The following SAMMSON variants were observed in gnomAD, a reference collection of about 807,000 sequenced individuals.
SAMMSON encodes long intergenic non-protein coding RNA 1212.
At chr3:70,433,398 G>C (rs2874359) in intron 2 of SAMMSON, among the ~76,000 whole-genome samples, 18,191 of 152,122 alleles carry the variant, frequency 0.12, 1,357 homozygotes, top group East Asian at 0.3. Context: ...GCAATTCCCT[G>C]ATAGTATTCA....
chr3:70,049,451 T>C (rs1484322674), intron 3 of SAMMSON, among the ~76,000 whole-genome samples: 2 of 152,164 alleles, frequency 1.3e-5, no homozygotes, highest in African/African-American at 4.8e-5. Flanking sequence ...GATACAGGCT[T>C]TGGAGTTAAA....
Position 70,267,512 on chromosome 3 carries a change from C to G in SAMMSON, n.674+17842C>G, listed in dbSNP as rs574995737. Among the ~76,000 whole-genome samples the G allele has an allele frequency of 1.6e-4, 24 of 148,000 alleles. No homozygotes were observed. The Admixed American group carries it at 1.6e-3, about 10-fold the overall frequency. ...CCGCCTCCTGGGCTCACGCCCTTCT[C>G]CTGCCTCAGCTTCCCGAGTAGCTGG... On this transcript the variant is annotated intron_variant and non_coding_transcript_variant, in intron 6 of 9. Transcript: ENST00000642114.
At chr3:70,206,162 T>C (rs1281000502) in intron 4 of SAMMSON, among the ~76,000 whole-genome samples, 1 of 152,086 alleles carries the variant, frequency 6.6e-6, no homozygotes, top group Non-Finnish European at 1.5e-5. Context: ...CTTAATTTTT[T>C]ATGCTGTCTA....
At chr3:70,189,447 G>A (rs1701115399) in intron 4 of SAMMSON, among the ~76,000 whole-genome samples, 1 of 152,148 alleles carries the variant, frequency 6.6e-6, no homozygotes, top group Non-Finnish European at 1.5e-5. Flanking sequence ...TCCAGCTATT[G>A]AGAAGTCAGT....
chr3:70,262,156 A>T (rs1701873381), intron 6 of SAMMSON, among the ~76,000 whole-genome samples: 1 of 152,196 alleles, frequency 6.6e-6, no homozygotes, highest in South Asian at 2.1e-4. Flanking sequence ...GCTCGGTAAC[A>T]ATACTTTCAA....
chr3:70,327,012 C>A (rs796599800), intron 7 of SAMMSON, among the ~76,000 whole-genome samples: 1 of 152,248 alleles, frequency 6.6e-6, no homozygotes, highest in East Asian at 1.9e-4. Flanking sequence ...GCATGTGCCA[C>A]CACACCTGGC....
chr3:70,389,318 T>C (rs934715235), intron 9 of SAMMSON, among the ~76,000 whole-genome samples: 1 of 152,122 alleles, frequency 6.6e-6, no homozygotes, highest in Non-Finnish European at 1.5e-5. Context: ...CTCAAATTTT[T>C]CTTGGCAAGG....
intron 4 of SAMMSON, among the ~76,000 whole-genome samples, chr3:70,219,804 T>A (rs1701446128): frequency 6.6e-6 from 1 of 152,120 alleles, no homozygotes; most frequent in African/African-American, 2.4e-5. Context: ...AGAATTCAAG[T>A]TATGATGGCA....
Position 70,059,746 on chromosome 3 carries a change from C to T in SAMMSON, n.418-11730C>T, listed in dbSNP as rs73836036. 2.3e-3 allele frequency among the ~76,000 whole-genome samples: 356 copies of T among 152,102 alleles called. 4 individuals carry two copies. Among genetic ancestry groups the T allele is most frequent in the African/African-American group, 8.4e-3 (348 of 41,522 alleles). ...ACCAGCTATCTGAGCATCCCTTAGC[C>T]CAGTCAACTTGACACATAAAATTAA... On this transcript the variant is annotated intron_variant and non_coding_transcript_variant, in intron 3 of 9. Coordinates refer to ENST00000642114, the Ensembl canonical transcript of SAMMSON.
At chr3:70,355,644 G>C (rs944429290) in intron 8 of SAMMSON, among the ~76,000 whole-genome samples, 1 of 152,060 alleles carries the variant, frequency 6.6e-6, no homozygotes, top group African/African-American at 2.4e-5. Flanking sequence ...TGAGCTAAAA[G>C]TATCTTTAAA....
chr3:70,381,114 G>A (rs1559577059), intron 9 of SAMMSON, among the ~76,000 whole-genome samples: 2 of 152,150 alleles, frequency 1.3e-5, no homozygotes, highest in South Asian at 4.1e-4. Context: ...GCATCTTGGA[G>A]AATTTGTTGT....
At chr3:70,161,683 TA>T (rs1327850266) in intron 4 of SAMMSON, among the ~76,000 whole-genome samples, 1 of 151,872 alleles carries the variant, frequency 6.6e-6, no homozygotes, top group Non-Finnish European at 1.5e-5. Flanking sequence ...AATGCCCTCA[TA>T]AAATGATTTC....
At chr3:70,258,931 CTTATT>C (rs1218927028) in intron 6 of SAMMSON, among the ~76,000 whole-genome samples, 3 of 151,764 alleles carry the variant, frequency 2.0e-5, no homozygotes, top group African/African-American at 7.3e-5. Flanking sequence ...CAGTGAATCT[CTTATT>C]TTTATCATTG....
At chr3:70,163,240 C>A (rs1184404771) in intron 4 of SAMMSON, among the ~76,000 whole-genome samples, 2 of 150,586 alleles carry the variant, frequency 1.3e-5, no homozygotes, top group Admixed American at 1.3e-4. Flanking sequence ...CACTACTGCC[C>A]TCTTTTGTGT....
intron 4 of SAMMSON, among the ~76,000 whole-genome samples, chr3:70,081,297 T>C (rs553715435): frequency 6.6e-6 from 1 of 152,274 alleles, no homozygotes; most frequent in South Asian, 2.1e-4. Flanking sequence ...GTATTTTTAG[T>C]AGAGACAGGG....
chr3:70,245,156 A>G (rs910408401), intron 4 of SAMMSON, among the ~76,000 whole-genome samples: 2 of 152,172 alleles, frequency 1.3e-5, no homozygotes, highest in Non-Finnish European at 2.9e-5. Context: ...TAGAAAATAC[A>G]TTAACTATTT....
chr3:70,370,130 G>A (rs1334460533), intron 9 of SAMMSON, among the ~76,000 whole-genome samples: 2 of 151,682 alleles, frequency 1.3e-5, no homozygotes, highest in Non-Finnish European at 2.9e-5. Flanking sequence ...ATGTTGCTGC[G>A]AATGACATGA....
intron 9 of SAMMSON, among the ~76,000 whole-genome samples, chr3:70,359,997 C>T (rs776591595): frequency 6.6e-6 from 1 of 152,086 alleles, no homozygotes; most frequent in Non-Finnish European, 1.5e-5. Flanking sequence ...AGATCAAATC[C>T]TTCATCTGAG....
At chr3:70,216,193 A>G (rs2106733148) in intron 4 of SAMMSON, among the ~76,000 whole-genome samples, 1 of 150,884 alleles carries the variant, frequency 6.6e-6, no homozygotes, top group Admixed American at 6.6e-5. Context: ...ATATTAGGAT[A>G]TATATTCTAA....
Sources: gnomAD v4.1 joint callset for allele counts (sites outside exome capture counted in the v4.1 genomes callset) on GRCh38, gnomAD v4.1.1 for gene constraint, MANE v1.5 for transcripts, NCBI Gene and HGNC (gene_info 2026-07-23, HGNC 2026-07-21) for gene names.